The following SLC24A2 variants were observed in gnomAD, a reference collection of about 807,000 sequenced individuals.
The protein encoded by SLC24A2 is solute carrier family 24 member 2.
In SLC24A2, 36 loss-of-function variants were observed where a neutral mutation model predicts 62.0. That is an observed-to-expected ratio of 0.58 (90% CI 0.44 to 0.77). SLC24A2 has a LOEUF of 0.77. Among genes scored for constraint, SLC24A2 ranks in the 30% least tolerant of loss-of-function variants. The probability of loss-of-function intolerance (pLI) is 0.00; values close to 1 mark genes in which losing one functional copy is unlikely to be tolerated. For synonymous variants in SLC24A2, 358 were observed against 294.0 expected (o/e 1.22, Z -2.23); for missense variants, 846 against 817.9 (o/e 1.03, Z -0.42).
At chr9:19,704,033 T>C (rs1374606518) in intron 2 of SLC24A2, among the ~76,000 whole-genome samples, 2 of 152,228 alleles carry the variant, frequency 1.3e-5, no homozygotes, top group African/African-American at 4.8e-5. Context: ...GGCTTAGTTA[T>C]ATAAAATCAA....
intron 2 of SLC24A2, among the ~76,000 whole-genome samples, chr9:19,665,113 C>T (rs1336096540): frequency 6.6e-6 from 1 of 152,128 alleles, no homozygotes; most frequent in Non-Finnish European, 1.5e-5. Flanking sequence ...CCAGTAAGAT[C>T]CGCCTGCTCT....
chr9:19,604,259 G>A (rs573012792), intron 4 of SLC24A2, among the ~76,000 whole-genome samples: 1 of 152,288 alleles, frequency 6.6e-6, no homozygotes, highest in African/African-American at 2.4e-5. Context: ...GAAGCCCCAT[G>A]GGGTGGTCTT....
chr9:19,953,327 A>C, the SLC24A2 span, among the ~76,000 whole-genome samples: 1 of 152,056 alleles, frequency 6.6e-6, no homozygotes, highest in Non-Finnish European at 1.5e-5. Context: ...TATGGGAAAC[A>C]AAACAAGGAA....
At chr9:19,874,075 C>CTT in the SLC24A2 span, among the ~76,000 whole-genome samples, 269 of 107,058 alleles carry the variant, frequency 2.5e-3, no homozygotes, top group East Asian at 5.0e-3. Flanking sequence ...CTTTTCTTTT[C>CTT]TTTTTTTTTT....
At chr9:20,107,477 G>A in the SLC24A2 span, among the ~76,000 whole-genome samples, 5 of 152,174 alleles carry the variant, frequency 3.3e-5, no homozygotes, top group African/African-American at 1.2e-4. Flanking sequence ...AAACAGCATG[G>A]TGCTGGTACC....
the SLC24A2 span, among the ~76,000 whole-genome samples, chr9:20,177,240 A>C: frequency 2.0e-5 from 3 of 152,112 alleles, no homozygotes; most frequent in Admixed American, 6.6e-5. Flanking sequence ...TTAAACTTTC[A>C]AAAGTAAAAA....
the SLC24A2 span, among the ~76,000 whole-genome samples, chr9:19,902,497 C>T: frequency 6.6e-6 from 1 of 152,130 alleles, no homozygotes; most frequent in Admixed American, 6.6e-5. Flanking sequence ...CAGCAGAAAA[C>T]TCCTTATCCT....
In SLC24A2 at chr9:19,528,949, AATAGCCAAAAAATCAGAC is replaced by A. The variant is rs527308368; in HGVS notation, c.1480-829_1480-812del. The stretch of plus-strand genomic sequence containing the variant: ...GTGAGCATTTTTAAAGTTTCCTAGA[AATAGCCAAAAAATCAGAC>A]ACTTGAAATGCAGTGTTTCTTACCC... On this transcript the variant is annotated intron_variant, in intron 8 of 10. Coordinates refer to ENST00000341998, the MANE Select transcript of SLC24A2 (RefSeq NM_020344.4). Among the ~76,000 whole-genome samples, 15 of 152,312 alleles carry A rather than the reference AATAGCCAAAAAATCAGAC, an allele frequency of 9.8e-5. No individual in the cohort carries two copies. In the East Asian group the frequency reaches 2.7e-3, roughly 27 times the overall value.
At chr9:19,930,129 G>GT in the SLC24A2 span, among the ~76,000 whole-genome samples, 3 of 152,094 alleles carry the variant, frequency 2.0e-5, no homozygotes, top group African/African-American at 7.2e-5. Flanking sequence ...TAATTTTACA[G>GT]TGTTTATAAA....
chr9:20,173,897 G>A, the SLC24A2 span, among the ~76,000 whole-genome samples: 1 of 151,722 alleles, frequency 6.6e-6, no homozygotes, highest in Non-Finnish European at 1.5e-5. Context: ...GCCCAAGTAA[G>A]AATAAGCAAA....
chr9:20,110,772 T>A, the SLC24A2 span, among the ~76,000 whole-genome samples: 1 of 152,194 alleles, frequency 6.6e-6, no homozygotes, highest in Non-Finnish European at 1.5e-5. Context: ...ATTTGAAAAA[T>A]TATAGTTTCA....
At chr9:19,601,561 A>G (rs1836842137) in intron 4 of SLC24A2, among the ~76,000 whole-genome samples, 1 of 152,228 alleles carries the variant, frequency 6.6e-6, no homozygotes, top group African/African-American at 2.4e-5. Context: ...CCCACCGGAA[A>G]GAACCAACTC....
the SLC24A2 span, among the ~76,000 whole-genome samples, chr9:19,969,177 C>A: frequency 2.2e-5 from 2 of 91,684 alleles, no homozygotes; most frequent in East Asian, 5.6e-4. Flanking sequence ...TCCGCCACCT[C>A]CTTTGCCACA....
chr9:19,526,987 C>A (rs561059440), intron 9 of SLC24A2, among the ~76,000 whole-genome samples: 10 of 152,204 alleles, frequency 6.6e-5, no homozygotes, highest in African/African-American at 2.4e-4. Flanking sequence ...TCTTACATTT[C>A]AAACTATGAT....
At chr9:20,253,435 T>C in the SLC24A2 span, among the ~76,000 whole-genome samples, 1 of 152,304 alleles carries the variant, frequency 6.6e-6, no homozygotes, top group South Asian at 2.1e-4. Flanking sequence ...AATAATTGTT[T>C]GTACCATCTT....
At chr9:19,731,173 A>G (rs200300931) in intron 2 of SLC24A2, among the ~76,000 whole-genome samples, 2 of 152,184 alleles carry the variant, frequency 1.3e-5, no homozygotes. Context: ...AAGGTGGTCT[A>G]GCTGGTGGAA....
chr9:19,625,216 A>C (rs1056903646), intron 2 of SLC24A2, among the ~76,000 whole-genome samples: 1 of 152,186 alleles, frequency 6.6e-6, no homozygotes, highest in African/African-American at 2.4e-5. Context: ...ACACAAAAAT[A>C]CCACTCATTT....
the SLC24A2 span, among the ~76,000 whole-genome samples, chr9:20,235,983 T>A: frequency 6.6e-6 from 1 of 152,212 alleles, no homozygotes; most frequent in African/African-American, 2.4e-5. Flanking sequence ...TTATGCAACC[T>A]AACATACCAT....
the SLC24A2 span, among the ~76,000 whole-genome samples, chr9:20,059,891 T>C: frequency 6.6e-6 from 1 of 151,862 alleles, no homozygotes. Context: ...ATTAACAAGT[T>C]TGCCACACGA....
Sources: allele counts gnomAD v4.1 joint callset (sites outside exome capture counted in the v4.1 genomes callset), GRCh38; gene constraint gnomAD v4.1.1; transcripts MANE v1.5; gene names NCBI Gene and HGNC (gene_info 2026-07-23, HGNC 2026-07-21).